BMAL2: variants seen among roughly 807,000 people sequenced by gnomAD.
BMAL2 encodes basic helix-loop-helix ARNT-like protein 2.
chr12:27,397,307 T>C, the BMAL2 span, among the ~76,000 whole-genome samples: 2 of 152,212 alleles, frequency 1.3e-5, no homozygotes, highest in Admixed American at 1.3e-4. Flanking sequence ...CCTGACCTTG[T>C]GATCCGCCAA....
At chr12:27,376,126 C>CT in the BMAL2 span, among the ~76,000 whole-genome samples, 2 of 152,046 alleles carry the variant, frequency 1.3e-5, no homozygotes, top group African/African-American at 4.8e-5. Flanking sequence ...TTTTGTTATC[C>CT]TTATGGGAAT....
the BMAL2 span, chr12:27,401,281 G>C: frequency 6.2e-7 from 1 of 1,614,064 alleles, no homozygotes. Flanking sequence ...TAGGATATCT[G>C]CCTCAGGAAC....
the BMAL2 span, chr12:27,415,876 T>G: frequency 6.2e-7 from 1 of 1,604,180 alleles, no homozygotes; most frequent in South Asian, 1.1e-5. Flanking sequence ...AAGGTTACAG[T>G]CTTCTTCATA....
At chr12:27,351,624 CCT>C in the BMAL2 span, among the ~76,000 whole-genome samples, 1 of 152,156 alleles carries the variant, frequency 6.6e-6, no homozygotes. Context: ...AGGGACAGCC[CCT>C]GTTCCCCAGA....
the BMAL2 span, among the ~76,000 whole-genome samples, chr12:27,338,848 C>T: frequency 2.0e-5 from 3 of 152,222 alleles, no homozygotes; most frequent in Admixed American, 6.5e-5. Flanking sequence ...TCACTGATTC[C>T]TGGTTCCTGC....
At chr12:27,350,782 C>T in the BMAL2 span, among the ~76,000 whole-genome samples, 4 of 151,510 alleles carry the variant, frequency 2.6e-5, no homozygotes, top group Non-Finnish European at 4.4e-5. Context: ...CAGGTTCAAG[C>T]GATTCTCTTG....
At chr12:27,402,725 T>C in the BMAL2 span, 1 of 1,490,886 alleles carries the variant, frequency 6.7e-7, no homozygotes, top group Non-Finnish European at 9.2e-7. Context: ...AGACATATTA[T>C]TAAGACTATT....
At chr12:27,410,078 TA>T in the BMAL2 span, among the ~76,000 whole-genome samples, 1 of 151,624 alleles carries the variant, frequency 6.6e-6, no homozygotes, top group African/African-American at 2.4e-5. Flanking sequence ...TGGCGATCAT[TA>T]AAAAGTCAGG....
At chr12:27,389,408 T>C in the BMAL2 span, 1 of 678,378 alleles carries the variant, frequency 1.5e-6, no homozygotes, top group South Asian at 2.0e-5. Context: ...CAAGAGAGAA[T>C]TGTTTTGTAA....
the BMAL2 span, chr12:27,400,858 T>A: frequency 8.3e-7 from 1 of 1,212,106 alleles, no homozygotes; most frequent in Non-Finnish European, 1.1e-6. Flanking sequence ...ACTGCTAGTT[T>A]TTCTTTTTCT....
chr12:27,347,619 T>A, the BMAL2 span, among the ~76,000 whole-genome samples: 138,725 of 151,688 alleles, frequency 0.91, 63,471 homozygotes, highest in East Asian at 1. Flanking sequence ...AGCTTTTTTT[T>A]AAAAAAAATA....
the BMAL2 span, among the ~76,000 whole-genome samples, chr12:27,365,720 A>T: frequency 3.7e-5 from 5 of 135,268 alleles, no homozygotes; most frequent in African/African-American, 1.3e-4. Context: ...TATGACCCCA[A>T]ATTTTTTTTT....
At chr12:27,349,435 A>G in the BMAL2 span, among the ~76,000 whole-genome samples, 4,497 of 152,334 alleles carry the variant, frequency 0.03, 89 homozygotes, top group South Asian at 0.09. Flanking sequence ...TTTATATTTC[A>G]CTAATTATAT....
At chr12:27,392,310 G>A in the BMAL2 span, among the ~76,000 whole-genome samples, 1 of 152,178 alleles carries the variant, frequency 6.6e-6, no homozygotes. Context: ...TGACACCGAT[G>A]TTAGGAGCTC....
chr12:27,417,936 T>A, the BMAL2 span: 1 of 428,914 alleles, frequency 2.3e-6, no homozygotes. Flanking sequence ...GAGGTTGCAA[T>A]GAACCGAGAT....
At chr12:27,360,035 A>C in the BMAL2 span, among the ~76,000 whole-genome samples, 1 of 143,046 alleles carries the variant, frequency 7.0e-6, no homozygotes, top group East Asian at 2.0e-4. Context: ...CCTGGGTGAC[A>C]GAGTGAGACC....
the BMAL2 span, among the ~76,000 whole-genome samples, chr12:27,392,775 AT>A: frequency 1.3e-5 from 2 of 152,200 alleles, no homozygotes; most frequent in Non-Finnish European, 2.9e-5. Flanking sequence ...GAATGGTCAA[AT>A]TTTGTATGTG....
chr12:27,393,131 A>G, the BMAL2 span, among the ~76,000 whole-genome samples: 1 of 152,166 alleles, frequency 6.6e-6, no homozygotes, highest in African/African-American at 2.4e-5. Context: ...ACTAATTTAT[A>G]TTCTTGAACT....
chr12:27,415,858 A>G, the BMAL2 span: 1 of 1,574,256 alleles, frequency 6.4e-7, no homozygotes, highest in African/African-American at 1.4e-5. Context: ...TTTATGTATC[A>G]CTTTTTAAAG....
Sources: gnomAD v4.1 joint callset for allele counts (sites outside exome capture counted in the v4.1 genomes callset) on GRCh38, gnomAD v4.1.1 for gene constraint, MANE v1.5 for transcripts, NCBI Gene and HGNC (gene_info 2026-07-23, HGNC 2026-07-21) for gene names.